PTPRD: variants seen among roughly 807,000 people sequenced by gnomAD.
PTPRD encodes the protein protein tyrosine phosphatase receptor type D.
A neutral mutation model predicts 214.5 loss-of-function variants in PTPRD; 34 were observed. That is an observed-to-expected ratio of 0.16 (90% confidence interval 0.12 to 0.21). The LOEUF is 0.21. Ranked by LOEUF, PTPRD falls within the 10% of genes least tolerant of loss-of-function variation. The pLI, the probability that PTPRD is intolerant of heterozygous loss-of-function variation, is 1.00. For missense variants in PTPRD, 2,545 were observed against 2,398.7 expected (o/e 1.06, Z -1.27); for synonymous variants, 1,128 against 845.7 (o/e 1.33, Z -5.79).
At chr9:9,270,379 G>T (rs12341573) in intron 9 of PTPRD, among the ~76,000 whole-genome samples, 19,744 of 151,242 alleles carry the variant, frequency 0.13, 1,462 homozygotes, top group East Asian at 0.29. Context: ...TGTAAATGTG[G>T]CATTTATGCT....
At chr9:9,293,770 T>G (rs1232022951) in intron 9 of PTPRD, among the ~76,000 whole-genome samples, 3 of 151,660 alleles carry the variant, frequency 2.0e-5, no homozygotes, top group Non-Finnish European at 4.4e-5. Flanking sequence ...TAATGCCTTT[T>G]CCATCTTAAC....
intron 8 of PTPRD, among the ~76,000 whole-genome samples, chr9:9,435,952 T>C (rs2085075215): frequency 1.3e-5 from 2 of 152,300 alleles, no homozygotes; most frequent in Non-Finnish European, 1.5e-5. Context: ...TCTTTAGCCC[T>C]GTTTCCCATT....
At chr9:9,371,376 C>G (rs1385347202) in intron 9 of PTPRD, among the ~76,000 whole-genome samples, 1 of 152,146 alleles carries the variant, frequency 6.6e-6, no homozygotes, top group African/African-American at 2.4e-5. Flanking sequence ...TCCATTTCTT[C>G]TAGATTTTCT....
intron 12 of PTPRD, among the ~76,000 whole-genome samples, chr9:8,647,917 C>T (rs952282436): frequency 2.6e-5 from 4 of 152,184 alleles, no homozygotes; most frequent in African/African-American, 4.8e-5. Context: ...AGCTGACCAA[C>T]CTTCTAGCTC....
At chr9:10,382,536 T>C (rs957797855) in intron 2 of PTPRD, among the ~76,000 whole-genome samples, 2 of 151,892 alleles carry the variant, frequency 1.3e-5, no homozygotes, top group South Asian at 4.1e-4. Flanking sequence ...TGTTGTAGAA[T>C]AGGATAAAAT....
chr9:9,335,231 T>C (rs2043965415), intron 9 of PTPRD, among the ~76,000 whole-genome samples: 1 of 152,094 alleles, frequency 6.6e-6, no homozygotes, highest in African/African-American at 2.4e-5. Flanking sequence ...GCAGTTCATA[T>C]TACATTACCT....
intron 9 of PTPRD, among the ~76,000 whole-genome samples, chr9:9,308,266 A>T (rs9408753): frequency 0.22 from 33,938 of 152,120 alleles, 4,087 homozygotes; most frequent in East Asian, 0.47. Context: ...TTTTCAGATC[A>T]TTCATGATTT....
intron 11 of PTPRD, among the ~76,000 whole-genome samples, chr9:8,847,478 G>A (rs1276195318): frequency 6.6e-6 from 1 of 152,126 alleles, no homozygotes; most frequent in Non-Finnish European, 1.5e-5. Flanking sequence ...GTGTATGCAT[G>A]TGAGAAGCAT....
Position 10,184,706 on chromosome 9 carries a change from T to C in PTPRD, c.-544-150916A>G, listed in dbSNP as rs543371299. 2.6e-5 allele frequency among the ~76,000 whole-genome samples: 4 copies of C among 152,350 alleles called. No homozygotes were observed. The South Asian group carries it at 8.3e-4, about 32-fold the overall frequency. ...AGTTTCTTTGCTGCTTTCACCTCTCTTCTTCTGGTTTATAAAATAATTAAT... is the reference window on the plus strand; with the variant it reads ...AGTTTCTTTGCTGCTTTCACCTCTCCTCTTCTGGTTTATAAAATAATTAAT... On this transcript the variant is annotated intron_variant, in intron 3 of 45. Transcript: ENST00000381196.
At chr9:8,491,974 A>C (rs2097160084) in intron 27 of PTPRD, among the ~76,000 whole-genome samples, 1 of 152,162 alleles carries the variant, frequency 6.6e-6, no homozygotes, top group Non-Finnish European at 1.5e-5. Flanking sequence ...TCCTTCTGCA[A>C]TTATCTCTTA....
chr9:10,170,874 A>G (rs75655010), intron 3 of PTPRD, among the ~76,000 whole-genome samples: 3,476 of 152,146 alleles, frequency 0.023, 87 homozygotes, highest in African/African-American at 0.06. Context: ...TCATAACAAC[A>G]TTTTTTAAAT....
intron 7 of PTPRD, among the ~76,000 whole-genome samples, chr9:9,658,751 G>T (rs1015601329): frequency 1.3e-5 from 2 of 152,114 alleles, no homozygotes; most frequent in African/African-American, 4.8e-5. Flanking sequence ...GGCCGGCACT[G>T]CTGGGAAATC....
intron 11 of PTPRD, among the ~76,000 whole-genome samples, chr9:8,751,051 G>A (rs2093472268): frequency 6.6e-6 from 1 of 152,110 alleles, no homozygotes; most frequent in Non-Finnish European, 1.5e-5. Flanking sequence ...AGGCTCACCA[G>A]TTTCACTTTT....
chr9:9,428,628 T>G (rs2081941647), intron 8 of PTPRD, among the ~76,000 whole-genome samples: 1 of 152,216 alleles, frequency 6.6e-6, no homozygotes, highest in South Asian at 2.1e-4. Flanking sequence ...TCGCACTTAT[T>G]CCAAAACTGA....
chr9:8,795,859 T>C (rs959826794), intron 11 of PTPRD, among the ~76,000 whole-genome samples: 3 of 152,192 alleles, frequency 2.0e-5, no homozygotes, highest in African/African-American at 7.2e-5. Flanking sequence ...TACTCTCATT[T>C]TGAAAAATAA....
At chr9:8,822,339 G>T (rs2097086862) in intron 11 of PTPRD, among the ~76,000 whole-genome samples, 1 of 150,934 alleles carries the variant, frequency 6.6e-6, no homozygotes, top group Non-Finnish European at 1.5e-5. Flanking sequence ...AACTCAGATA[G>T]AGAAATAAAA....
chr9:9,874,905 G>A (rs1011273269), intron 5 of PTPRD, among the ~76,000 whole-genome samples: 1 of 151,952 alleles, frequency 6.6e-6, no homozygotes, highest in African/African-American at 2.4e-5. Context: ...ATACTTTCCA[G>A]GATAAAATCT....
At chr9:9,923,623 A>G (rs1204368783) in intron 5 of PTPRD, among the ~76,000 whole-genome samples, 1 of 152,002 alleles carries the variant, frequency 6.6e-6, no homozygotes, top group African/African-American at 2.4e-5. Context: ...CTACAAACAA[A>G]AAGGGAATCA....
intron 10 of PTPRD, among the ~76,000 whole-genome samples, chr9:9,045,508 T>G (rs2154386707): frequency 6.6e-6 from 1 of 152,226 alleles, no homozygotes; most frequent in Non-Finnish European, 1.5e-5. Flanking sequence ...GTTTCTGCTA[T>G]TTCACCCAAA....
Sources: gnomAD v4.1 joint callset for allele counts (sites outside exome capture counted in the v4.1 genomes callset) on GRCh38, gnomAD v4.1.1 for gene constraint, MANE v1.5 for transcripts, NCBI Gene and HGNC (gene_info 2026-07-23, HGNC 2026-07-21) for gene names.